Variants in RAB1A observed in about 807,000 individuals in gnomAD.
RAB1A encodes the protein RAB1A, member RAS oncogene family.
Under a neutral mutation model 26.0 loss-of-function variants are expected in RAB1A, and 2 were observed. The observed-to-expected ratio is 0.08, with a 90% CI of 0.03 to 0.24. The LOEUF is 0.24. RAB1A is among the 10% of genes least tolerant of loss of function. The pLI is 1.00. For synonymous variants in RAB1A, 84 were observed against 84.9 expected (o/e 0.99, Z 0.06); for missense variants, 100 against 247.0 (o/e 0.40, Z 3.99).
chr2:65,117,065 C>A (rs987213365), intron 1 of RAB1A, among the ~76,000 whole-genome samples: 5 of 151,398 alleles, frequency 3.3e-5, no homozygotes, highest in African/African-American at 7.3e-5. Context: ...TTCCCCCACC[C>A]CCACCCACCA....
chr2:65,111,242 G>C (rs1020886977), intron 1 of RAB1A, among the ~76,000 whole-genome samples: 12 of 152,078 alleles, frequency 7.9e-5, no homozygotes, highest in Non-Finnish European at 1.3e-4. Context: ...CATGCCTGTA[G>C]TTTCAGTTAC....
rs1250174220 is a variant in RAB1A at position 65,088,525 on chromosome 2, G to C, written c.586C>G (p.Pro196Ala). 2 of 1,612,272 alleles carry C rather than the reference G, an allele frequency of 1.2e-6. No homozygotes were observed. Among genetic ancestry groups the C allele is most frequent in the Non-Finnish European group, 1.7e-6 (2 of 1,179,314 alleles). Residue 196 changes from proline to alanine, a missense_variant, in exon 6 of 6, where the codon CCA becomes GCA. Transcript: ENST00000409784. ...CAACCTCCACCTGACTGCTTGACTGGAGTGCTCTGAATTTTAACATTGGAC... is the reference window on the plus strand; with the variant it reads ...CAACCTCCACCTGACTGCTTGACTGCAGTGCTCTGAATTTTAACATTGGAC... ...EKSNVKIQST[P>A]VKQSGGGCC
intron 1 of RAB1A, among the ~76,000 whole-genome samples, chr2:65,127,440 A>AAT (rs1430922198): frequency 6.6e-6 from 1 of 151,786 alleles, no homozygotes; most frequent in Non-Finnish European, 1.5e-5. Flanking sequence ...ACATGTATAA[A>AAT]ATCTATTTCT....
chr2:65,093,747 C>G (rs1669222770), intron 3 of RAB1A, among the ~76,000 whole-genome samples: 1 of 151,584 alleles, frequency 6.6e-6, no homozygotes. Context: ...CTCAGCCTCC[C>G]AAGTAGCTGG....
chr2:65,103,152 C>T (rs1216959781), intron 2 of RAB1A, among the ~76,000 whole-genome samples: 9 of 151,488 alleles, frequency 5.9e-5, no homozygotes, highest in Admixed American at 6.6e-5. Flanking sequence ...CTTGTCACTA[C>T]AAAAAAATAC....
chr2:65,112,396 C>A (rs1402180199), intron 1 of RAB1A, among the ~76,000 whole-genome samples: 1 of 152,098 alleles, frequency 6.6e-6, no homozygotes, highest in Non-Finnish European at 1.5e-5. Context: ...ATCCACCTGC[C>A]TCAGCCTCCC....
chr2:65,092,856 C>A (rs529294047), intron 3 of RAB1A, among the ~76,000 whole-genome samples: 2 of 152,126 alleles, frequency 1.3e-5, no homozygotes, highest in African/African-American at 4.8e-5. Context: ...TGGATTATGA[C>A]GACGGTTTCC....
At chr2:65,109,709 CA>C (rs112595111) in intron 1 of RAB1A, among the ~76,000 whole-genome samples, 152 of 125,114 alleles carry the variant, frequency 1.2e-3, no homozygotes, top group Middle Eastern at 4.0e-3. Context: ...GACTCCATCT[CA>C]AAAAAAAAAA....
chr2:65,096,419 TCCTATAAGATC>T (rs1573067495), intron 3 of RAB1A, among the ~76,000 whole-genome samples: 1 of 152,172 alleles, frequency 6.6e-6, no homozygotes, highest in Non-Finnish European at 1.5e-5. Flanking sequence ...AAAGACAGTG[TCCTATAAGATC>T]CCTTCCAGCC....
At chr2:65,115,507 A>G (rs967964368) in intron 1 of RAB1A, among the ~76,000 whole-genome samples, 7 of 152,242 alleles carry the variant, frequency 4.6e-5, no homozygotes, top group Non-Finnish European at 1.0e-4. Context: ...ACAAGAGGTA[A>G]GAACTTTTAG....
intron 1 of RAB1A, among the ~76,000 whole-genome samples, chr2:65,115,062 T>C (rs1669794277): frequency 6.6e-6 from 1 of 152,138 alleles, no homozygotes; most frequent in Non-Finnish European, 1.5e-5. Context: ...CCTTCCACCA[T>C]ATGATAACAC....
Position 65,086,884 on chromosome 2 carries a change from A to G in RAB1A, c.*1609T>C, listed in dbSNP as rs1669043679. 1 of 152,718 alleles carries G rather than the reference A, an allele frequency of 6.5e-6. No individual in the cohort carries two copies. The highest frequency in any genetic ancestry group is 2.4e-5 in the African/African-American group (1 of 41,564). 9.5% of individuals were successfully genotyped at this position (152,718 alleles called of 1,614,324 possible). A position where few individuals can be genotyped will look rare whatever the true frequency, so the allele number is the denominator to read the frequency against. The stretch of plus-strand genomic sequence containing the variant: ...AGTAAACTATGATTTTTATTGTGAA[A>G]TTTTCATAGATGGAAAATTGAATAT... On this transcript the variant is annotated 3_prime_UTR_variant, in exon 6 of 6. Transcript: ENST00000409784.
At chr2:65,125,240 A>G (rs1670070564) in intron 1 of RAB1A, among the ~76,000 whole-genome samples, 1 of 152,016 alleles carries the variant, frequency 6.6e-6, no homozygotes. Flanking sequence ...AGACTACTAT[A>G]TTTCTTCCTA....
intron 1 of RAB1A, among the ~76,000 whole-genome samples, chr2:65,120,455 CAAA>C (rs67617654): frequency 0.012 from 694 of 56,604 alleles, 5 homozygotes; most frequent in African/African-American, 0.038. Context: ...CACCTTGTCT[CAAA>C]AAAAAAAAAA....
At chr2:65,121,196 C>T (rs1669955668) in intron 1 of RAB1A, among the ~76,000 whole-genome samples, 1 of 144,838 alleles carries the variant, frequency 6.9e-6, no homozygotes, top group South Asian at 2.2e-4. Context: ...ACTGTGCTAC[C>T]ACCACTCCAG....
chr2:65,127,956 G>A (rs1447949497), intron 1 of RAB1A, among the ~76,000 whole-genome samples: 1 of 151,996 alleles, frequency 6.6e-6, no homozygotes, highest in South Asian at 2.1e-4. Flanking sequence ...GGATGGTCTC[G>A]ATCTCCTGAC....
At chr2:65,092,810 T>G (rs1196364681) in intron 3 of RAB1A, among the ~76,000 whole-genome samples, 1 of 152,180 alleles carries the variant, frequency 6.6e-6, no homozygotes, top group Non-Finnish European at 1.5e-5. Flanking sequence ...CAAGTTGTAA[T>G]CACTGAGGGA....
At chr2:65,095,569 T>A (rs1041186104) in intron 3 of RAB1A, among the ~76,000 whole-genome samples, 9 of 144,392 alleles carry the variant, frequency 6.2e-5, no homozygotes, top group African/African-American at 2.3e-4. Context: ...ACCAGGCTGG[T>A]CACAGGAGCT....
chr2:65,106,749 C>A (rs1464615868), intron 1 of RAB1A, among the ~76,000 whole-genome samples: 1 of 149,082 alleles, frequency 6.7e-6, no homozygotes, highest in African/African-American at 2.5e-5. Context: ...TTAAAAAGAT[C>A]GCTATTGTAG....
Sources: allele counts gnomAD v4.1 joint callset (sites outside exome capture counted in the v4.1 genomes callset), GRCh38; gene constraint gnomAD v4.1.1; transcripts MANE v1.5; gene names NCBI Gene and HGNC (gene_info 2026-07-23, HGNC 2026-07-21).